The following ZNF727 variants were observed in gnomAD, a reference collection of about 807,000 sequenced individuals.
ZNF727 encodes zinc finger protein 727.
Under a neutral mutation model 11.5 loss-of-function variants are expected in ZNF727, and 11 were observed. The observed-to-expected ratio is 0.95, with a 90% CI of 0.60 to 1.58. The LOEUF is 1.58. Ranked by LOEUF, ZNF727 falls within the 40% of genes most tolerant of loss-of-function variation. The pLI, the probability that ZNF727 is intolerant of heterozygous loss-of-function variation, is 0.00. For synonymous variants in ZNF727, 171 were observed against 196.1 expected (o/e 0.87, Z 1.07); for missense variants, 533 against 581.7 (o/e 0.92, Z 0.86).
rs994848024 is a variant in ZNF727, at chr7:64,069,524, C to G, written c.141C>G (p.Ile47Met). The G allele has an allele frequency of 6.4e-7, 1 of 1,555,852 alleles. No homozygotes were observed. The highest frequency in any genetic ancestry group is 8.7e-7 in the Non-Finnish European group (1 of 1,148,952). ...TTTCTAATAAAACAGGTCTTGCTAT[C>G]TTTAAGCCAGACTTGATTACCTATC... ...YGNLFSLGLA[I>M]FKPDLITYLE... The change falls in exon 3 of 4, where the codon ATC (isoleucine) becomes ATG (methionine). Residue 47 changes from isoleucine (I) to methionine (M), a missense_variant. Around this residue, in one of 3 missense-constraint regions of ZNF727, gnomAD observed 463 missense variants for 494.5 expected, o/e 0.94. Transcript: ENST00000456806.
chr7:64,047,825 GA>G (rs1789532683), intron 1 of ZNF727, among the ~76,000 whole-genome samples: 1 of 152,218 alleles, frequency 6.6e-6, no homozygotes, highest in African/African-American at 2.4e-5. Context: ...GGTATTGAGG[GA>G]AAAAGGCACA....
chr7:64,046,822 C>A lies in ZNF727; in HGVS notation c.3+1198C>A, dbSNP rs377392510. Among the ~76,000 whole-genome samples the A allele has an allele frequency of 1.3e-3, 195 of 152,294 alleles. 1 individual carries two copies. Among genetic ancestry groups the A allele is most frequent in the African/African-American group, 4.4e-3 (184 of 41,554 alleles). On this transcript the variant is annotated intron_variant, in intron 1 of 3. Coordinates refer to ENST00000456806, the MANE Select transcript of ZNF727 (RefSeq NM_001159522.3). ...GGGGGCTCAAAGGAGAGACTTGGAA[C>A]AAAAGGCTTTTGTAAGAGGTATGAG...
At chr7:64,063,339 C>T (rs1347013052) in intron 1 of ZNF727, among the ~76,000 whole-genome samples, 1 of 152,138 alleles carries the variant, frequency 6.6e-6, no homozygotes, top group Non-Finnish European at 1.5e-5. Flanking sequence ...CATTAGGGGA[C>T]ACCCCAACCT....
rs1189175628 is a variant in ZNF727, at chr7:64,083,531, A to G, written c.*4982A>G. Among the ~76,000 whole-genome samples the G allele has an allele frequency of 6.6e-6, 1 of 152,188 alleles. No homozygotes were observed. The highest frequency in any genetic ancestry group is 1.5e-5 in the Non-Finnish European group (1 of 68,034). ...TTTTCTGGGAAGCCTGGAAAGCCAG[A>G]GTATCTGAGGCTCTTGAATCTCTGC... On this transcript the variant is annotated 3_prime_UTR_variant, in exon 4 of 4. Coordinates refer to ENST00000456806, the MANE Select transcript of ZNF727 (RefSeq NM_001159522.3).
intron 1 of ZNF727, among the ~76,000 whole-genome samples, chr7:64,053,716 A>G (rs1409805190): frequency 3.3e-5 from 5 of 151,948 alleles, no homozygotes; most frequent in East Asian, 3.9e-4. Context: ...TCCTCCTTGC[A>G]TTCCGCCATA....
Position 64,085,253 on chromosome 7 carries a change from A to G in ZNF727, c.*6704A>G, listed in dbSNP as rs188473047. Among the ~76,000 whole-genome samples, 166 of 152,294 alleles carry G rather than the reference A, an allele frequency of 1.1e-3. 1 individual carries two copies. The highest frequency in any genetic ancestry group is 3.9e-3 in the African/African-American group (164 of 41,582). ...CATTTTGTTTCAATTAGAGAATGCT[A>G]TTTAATCCAATTTTCATTTAGTTAT... On this transcript the variant is annotated 3_prime_UTR_variant, in exon 4 of 4. Coordinates refer to ENST00000456806, the MANE Select transcript of ZNF727 (RefSeq NM_001159522.3).
chr7:64,057,366 C>T (rs1789700712), intron 1 of ZNF727, among the ~76,000 whole-genome samples: 1 of 152,140 alleles, frequency 6.6e-6, no homozygotes, highest in South Asian at 2.1e-4. Context: ...CCATGGAATA[C>T]CATGCAGCCG....
intron 1 of ZNF727, among the ~76,000 whole-genome samples, chr7:64,050,841 A>G (rs1789587133): frequency 6.6e-6 from 1 of 151,134 alleles, no homozygotes; most frequent in Non-Finnish European, 1.5e-5. Context: ...CTGATTGTCA[A>G]TTTTAAATAA....
rs1316936263 is a variant in ZNF727 at position 64,080,548 on chromosome 7, AATT to A, written c.*2003_*2005del. ...GGCTGTTTTTTCCATCACTTCCTGC[AATT>A]ATTTTTTTCTTCTTTGCATTGGGTT... On this transcript the variant is annotated 3_prime_UTR_variant, in exon 4 of 4. Transcript: ENST00000456806. Among the ~76,000 whole-genome samples the A allele has an allele frequency of 6.6e-6, 1 of 152,034 alleles. No individual in the cohort carries two copies. The highest frequency in any genetic ancestry group is 2.4e-5 in the African/African-American group (1 of 41,410).
intron 3 of ZNF727, among the ~76,000 whole-genome samples, chr7:64,076,983 G>A (rs932511826): frequency 2.6e-5 from 4 of 152,164 alleles, no homozygotes; most frequent in African/African-American, 9.7e-5. Context: ...AAGTCATCAT[G>A]GGATGAAGAA....
At position 64,082,205 on chromosome 7, in the gene ZNF727, G is replaced by C. The variant is rs570443078; in HGVS notation, c.*3656G>C. Among the ~76,000 whole-genome samples the C allele has an allele frequency of 1.8e-4, 27 of 152,314 alleles. No homozygotes were observed. The highest frequency in any genetic ancestry group is 6.5e-4 in the African/African-American group (27 of 41,576). ...CAGTTGCTCTTGGAGGCTCTGTCTA[G>C]GGAGTTGCGAAGTTGCTACTGGCTC... On this transcript the variant is annotated 3_prime_UTR_variant, in exon 4 of 4. Transcript: ENST00000456806.
Position 64,081,103 on chromosome 7 carries a change from T to C in ZNF727, c.*2554T>C, listed in dbSNP as rs1785784641. Among the ~76,000 whole-genome samples the C allele has an allele frequency of 6.6e-6, 1 of 151,876 alleles. No individual in the cohort carries two copies. The highest frequency in any genetic ancestry group is 6.6e-5 in the Admixed American group (1 of 15,230). On this transcript the variant is annotated 3_prime_UTR_variant, in exon 4 of 4. Coordinates refer to ENST00000456806, the MANE Select transcript of ZNF727 (RefSeq NM_001159522.3). The stretch of plus-strand genomic sequence containing the variant: ...ACAGCTGCTGCAGAGTGCTAGTGGA[T>C]ATGGGGTTTCTGCCTGTCTTTGGGT...
intron 1 of ZNF727, among the ~76,000 whole-genome samples, chr7:64,059,697 A>T (rs1244456263): frequency 6.6e-6 from 1 of 152,228 alleles, no homozygotes; most frequent in Non-Finnish European, 1.5e-5. Context: ...TGGAAATCAG[A>T]TGTCCATGAG....
Position 64,046,084 on chromosome 7 carries a change from C to T in ZNF727, c.3+460C>T, listed in dbSNP as rs562732209. 1.1e-4 allele frequency among the ~76,000 whole-genome samples: 16 copies of T among 152,226 alleles called. No individual in the cohort carries two copies. In the South Asian group the frequency reaches 3.3e-3, roughly 32 times the overall value. ...AGGCTAAAGTGCAGTGGCAAGATTT[C>T]GGCTCACTGCAGCCTCCACCTCCTG... On this transcript the variant is annotated intron_variant, in intron 1 of 3. Coordinates refer to ENST00000456806, the MANE Select transcript of ZNF727 (RefSeq NM_001159522.3).
chr7:64,069,842 G>GT lies in ZNF727; in HGVS notation c.226+241dup, dbSNP rs201548785. ...GTGTGTTGTTGTTGCTGCTGTTGTTGTTTTTTTTGTTTTTTGTGGGTTTTT... is the reference window on the plus strand; with the variant it reads ...GTGTGTTGTTGTTGCTGCTGTTGTTGTTTTTTTTTGTTTTTTGTGGGTTTTT... On this transcript the variant is annotated intron_variant, in intron 3 of 3. Coordinates refer to ENST00000456806, the MANE Select transcript of ZNF727 (RefSeq NM_001159522.3). Among the ~76,000 whole-genome samples, 98 of 151,578 alleles carry GT rather than the reference G, an allele frequency of 6.5e-4. 1 individual carries two copies. The highest frequency in any genetic ancestry group is 2.2e-3 in the African/African-American group (89 of 41,370).
At chr7:64,076,551 A>G (rs1040883928) in intron 3 of ZNF727, among the ~76,000 whole-genome samples, 4 of 152,114 alleles carry the variant, frequency 2.6e-5, no homozygotes, top group African/African-American at 9.7e-5. Context: ...GTTGGATTGC[A>G]CCACTGCACT....
intron 1 of ZNF727, among the ~76,000 whole-genome samples, chr7:64,052,040 T>A (rs914280726): frequency 6.6e-6 from 1 of 152,208 alleles, no homozygotes; most frequent in African/African-American, 2.4e-5. Flanking sequence ...GGATGTTACC[T>A]AGAAGGAAAG....
At chr7:64,054,004 G>A (rs1300786670) in intron 1 of ZNF727, among the ~76,000 whole-genome samples, 1 of 152,214 alleles carries the variant, frequency 6.6e-6, no homozygotes. Flanking sequence ...GGAGAAGGCT[G>A]TTCTGGAACA....
At chr7:64,076,902 A>T (rs1210548077) in intron 3 of ZNF727, among the ~76,000 whole-genome samples, 1 of 152,206 alleles carries the variant, frequency 6.6e-6, no homozygotes, top group Non-Finnish European at 1.5e-5. Flanking sequence ...AAAAGCCAGA[A>T]ACATGAACAC....
Sources: allele counts gnomAD v4.1 joint callset (sites outside exome capture counted in the v4.1 genomes callset), GRCh38; gene constraint gnomAD v4.1.1; regional missense constraint gnomAD v4.1.1; transcripts MANE v1.5; gene names NCBI Gene and HGNC (gene_info 2026-07-23, HGNC 2026-07-21).